Variants in FMN1 observed in about 807,000 individuals in gnomAD.
FMN1 encodes formin 1, also known as formin-1.
Under a neutral mutation model 132.4 loss-of-function variants are expected in FMN1, and 110 were observed. The ratio of observed to expected loss-of-function variants is 0.83; its 90% CI spans 0.71 to 0.97. The LOEUF (loss-of-function observed/expected upper bound fraction) is 0.97, where lower values mean the gene tolerates loss of function less well. Ranked by LOEUF, FMN1 falls within the 50% of genes least tolerant of loss-of-function variation. FMN1 has a pLI of 0.00. For missense variants in FMN1, 1,792 were observed against 1,705.3 expected, an observed-to-expected ratio of 1.05 and a Z score of -0.90; for synonymous variants, 722 against 651.7, an observed-to-expected ratio of 1.11 and a Z score of -1.64.
chr15:32,980,650 T>C (rs941356577), intron 7 of FMN1, among the ~76,000 whole-genome samples: 4 of 152,234 alleles, frequency 2.6e-5, no homozygotes, highest in African/African-American at 9.6e-5. Flanking sequence ...TACCAAATTT[T>C]CTCTGATTTC....
chr15:32,802,176 A>G (rs573960371), intron 18 of FMN1, among the ~76,000 whole-genome samples: 2 of 152,334 alleles, frequency 1.3e-5, no homozygotes, highest in East Asian at 3.9e-4. Context: ...CATTTCATGC[A>G]AACTAGTCCC....
At chr15:32,843,701 A>G (rs1413244905) in intron 17 of FMN1, among the ~76,000 whole-genome samples, 2 of 152,334 alleles carry the variant, frequency 1.3e-5, no homozygotes, top group East Asian at 1.9e-4. Context: ...GGTTATTTCA[A>G]TGAATAATTT....
chr15:32,804,292 A>C lies in FMN1; in HGVS notation c.3969T>G (p.Asn1323Lys). 2 of 1,569,042 alleles carry C rather than the reference A, an allele frequency of 1.3e-6. No homozygotes were observed. Among genetic ancestry groups the C allele is most frequent in the Non-Finnish European group, 1.7e-6 (2 of 1,155,692 alleles). ...TCAGAGCTGCTTACCTTTTCTGTGC[A>C]TTCTCCAAGTGACTTTCTTCCATCT... ...EHKMEESHLENAQKSFETTVR... is the reference protein window; with the variant it reads ...EHKMEESHLEKAQKSFETTVR... The change falls in exon 18 of 21, where the codon AAT (asparagine) becomes AAG (lysine). Residue 1323 changes from asparagine (N) to lysine (K), a missense_variant. By Grantham distance (94) the Asn-to-Lys change is moderately conservative. Coordinates refer to ENST00000616417, the MANE Select transcript of FMN1 (RefSeq NM_001277313.2).
intron 7 of FMN1, among the ~76,000 whole-genome samples, chr15:32,974,492 T>C (rs953791786): frequency 2.0e-5 from 3 of 152,200 alleles, no homozygotes; most frequent in Admixed American, 6.5e-5. Context: ...CTGTTTTGAT[T>C]ACCCCTTTTT....
chr15:32,861,002 C>T (rs2059255746), intron 16 of FMN1, among the ~76,000 whole-genome samples: 1 of 152,160 alleles, frequency 6.6e-6, no homozygotes, highest in Non-Finnish European at 1.5e-5. Context: ...TTTGTGGCCA[C>T]ATAAACTTTC....
Position 33,091,925 on chromosome 15 carries a change from A to C in FMN1, c.1868-2951T>G, listed in dbSNP as rs544516441. ...TAGATCTTTAGAGAATATTTTGTGAAAAACTGAATCAGTCTTATCAGTTTA... is the reference window on the plus strand; with the variant it reads ...TAGATCTTTAGAGAATATTTTGTGACAAACTGAATCAGTCTTATCAGTTTA... On this transcript the variant is annotated intron_variant, in intron 4 of 20. Coordinates refer to ENST00000616417, the MANE Select transcript of FMN1 (RefSeq NM_001277313.2). Among the ~76,000 whole-genome samples, 29 of 152,346 alleles carry C rather than the reference A, an allele frequency of 1.9e-4. No individual in the cohort carries two copies. The South Asian group carries it at 6.0e-3, about 32-fold the overall frequency.
chr15:32,963,664 A>C lies in FMN1; in HGVS notation c.3138+443T>G, dbSNP rs971147375. ...CTAGGAAATACTTGTTAAATGAATG[A>C]ATTTATAAATAAAACCTATTTTCCA... On this transcript the variant is annotated intron_variant, in intron 9 of 20. Transcript: ENST00000616417. Among the ~76,000 whole-genome samples the C allele has an allele frequency of 2.6e-5, 4 of 152,224 alleles. No individual in the cohort carries two copies. The East Asian group carries it at 7.7e-4, about 29-fold the overall frequency.
At chr15:33,019,406 G>A (rs2035286573) in intron 6 of FMN1, among the ~76,000 whole-genome samples, 1 of 152,206 alleles carries the variant, frequency 6.6e-6, no homozygotes, top group South Asian at 2.1e-4. Context: ...ACCAGACTCA[G>A]GAGCCCAGCT....
chr15:33,170,903 A>G (rs371225303), intron 3 of FMN1, among the ~76,000 whole-genome samples: 1 of 152,190 alleles, frequency 6.6e-6, no homozygotes, highest in Admixed American at 6.5e-5. Context: ...AAGGAAACCA[A>G]TATAAAGAAA....
intron 16 of FMN1, among the ~76,000 whole-genome samples, chr15:32,865,234 G>C (rs552113998): frequency 6.6e-6 from 1 of 152,182 alleles, no homozygotes; most frequent in Non-Finnish European, 1.5e-5. Flanking sequence ...AAAGTCATCA[G>C]ATTGTACACT....
intron 4 of FMN1, among the ~76,000 whole-genome samples, chr15:33,122,174 T>A (rs150976879): frequency 3.9e-5 from 6 of 152,374 alleles, no homozygotes; most frequent in African/African-American, 1.4e-4. Flanking sequence ...TGCAATGTTC[T>A]TAGGTGAAAC....
chr15:32,968,642 G>C (rs1475408792), intron 8 of FMN1, 72 bp downstream of exon 8: 3 of 1,592,986 alleles, frequency 1.9e-6, no homozygotes, highest in African/African-American at 1.3e-5. Flanking sequence ...TATTGACCCG[G>C]TAAGAATAAA....
At chr15:32,971,344 A>C (rs748154621) in intron 7 of FMN1, among the ~76,000 whole-genome samples, 1 of 152,220 alleles carries the variant, frequency 6.6e-6, no homozygotes, top group Non-Finnish European at 1.5e-5. Context: ...AGGGACAGGC[A>C]TAAACCTAGG....
At chr15:32,816,913 ATT>A (rs1036774491) in intron 17 of FMN1, among the ~76,000 whole-genome samples, 1 of 152,236 alleles carries the variant, frequency 6.6e-6, no homozygotes, top group African/African-American at 2.4e-5. Context: ...GACATCCAAT[ATT>A]AAGAATAGTT....
chr15:32,786,913 G>A (rs552099297), intron 19 of FMN1, among the ~76,000 whole-genome samples: 32 of 152,294 alleles, frequency 2.1e-4, no homozygotes, highest in Non-Finnish European at 4.0e-4. Context: ...ACAAGGTACA[G>A]CCCCCAGTTC....
At chr15:33,167,712 A>C (rs1170872238) in intron 3 of FMN1, among the ~76,000 whole-genome samples, 1 of 152,246 alleles carries the variant, frequency 6.6e-6, no homozygotes, top group Non-Finnish European at 1.5e-5. Context: ...TTTGTATGTT[A>C]TATGTATTAG....
At chr15:33,060,794 T>G (rs1443032467) in intron 6 of FMN1, among the ~76,000 whole-genome samples, 1 of 152,232 alleles carries the variant, frequency 6.6e-6, no homozygotes, top group African/African-American at 2.4e-5. Context: ...AGCACGAGTG[T>G]TTTTCTTCAA....
intron 3 of FMN1, among the ~76,000 whole-genome samples, chr15:33,171,642 G>T (rs974098094): frequency 3.3e-5 from 5 of 151,368 alleles, no homozygotes; most frequent in Non-Finnish European, 5.9e-5. Context: ...TGAACTATGG[G>T]TTTTTTTTTA....
chr15:32,882,695 TGTAA>T (rs2059799145), intron 16 of FMN1, among the ~76,000 whole-genome samples: 1 of 152,160 alleles, frequency 6.6e-6, no homozygotes, highest in Non-Finnish European at 1.5e-5. Flanking sequence ...AATTTTTTAG[TGTAA>T]GTGTGTACCA....
Sources: gnomAD v4.1 joint callset for allele counts (sites outside exome capture counted in the v4.1 genomes callset) on GRCh38, gnomAD v4.1.1 for gene constraint, MANE v1.5 for transcripts, NCBI Gene and HGNC (gene_info 2026-07-23, HGNC 2026-07-21) for gene names.